PODXL2: variants seen among roughly 807,000 people sequenced by gnomAD.
PODXL2 encodes podocalyxin like 2.
Under a neutral mutation model 53.4 loss-of-function variants are expected in PODXL2, and 17 were observed. The ratio of observed to expected loss-of-function variants is 0.32; its 90% CI spans 0.22 to 0.48. The LOEUF (loss-of-function observed/expected upper bound fraction) is 0.48, where lower values mean the gene tolerates loss of function less well. PODXL2 is among the 20% of genes least tolerant of loss of function. The pLI is 0.99. For missense variants in PODXL2, 673 were observed against 760.0 expected (o/e 0.89, Z 1.35); for synonymous variants, 311 against 306.7 (o/e 1.01, Z -0.15).
intron 2 of PODXL2, among the ~76,000 whole-genome samples, chr3:127,643,970 T>G (rs569661767): frequency 6.6e-6 from 1 of 152,086 alleles, no homozygotes; most frequent in South Asian, 2.1e-4. Context: ...TTTTTACATT[T>G]AAGTCCAATC....
chr3:127,659,749 A>G (rs2107542353), intron 2 of PODXL2, among the ~76,000 whole-genome samples: 1 of 152,370 alleles, frequency 6.6e-6, no homozygotes, highest in South Asian at 2.1e-4. Context: ...CATTGCCAAC[A>G]GTGACCCTGA....
intron 1 of PODXL2, among the ~76,000 whole-genome samples, chr3:127,635,023 G>A (rs1241218135): frequency 1.3e-5 from 2 of 152,178 alleles, no homozygotes; most frequent in African/African-American, 2.4e-5. Flanking sequence ...TTTCTGTATC[G>A]TCTCTGCTGT....
Position 127,672,479 on chromosome 3 carries a change from G to A in PODXL2, c.1817G>A (p.Ter606=). Residue 606 remains the stop codon, a stop_retained_variant, in exon 8 of 8, where the codon TGA becomes TAA. Transcript: ENST00000342480. ...SDVFEEDTHL[*] ...GTGTTCGAGGAGGACACGCACCTGTGAGCGCAGCCGAGGCGCAGGCCGAGT... is the reference window on the plus strand; with the variant it reads ...GTGTTCGAGGAGGACACGCACCTGTAAGCGCAGCCGAGGCGCAGGCCGAGT... 6.7e-7 allele frequency: 1 copy of A among 1,493,130 alleles called. No homozygotes were observed. The highest frequency in any genetic ancestry group is 8.9e-7 in the Non-Finnish European group (1 of 1,122,262). The allele number at this position is 1,493,130 out of a possible 1,614,324, so 92.5% of individuals were successfully genotyped here. A position where few individuals can be genotyped will look rare whatever the true frequency, so the allele number is the denominator to read the frequency against.
chr3:127,648,787 CTTTTTTTT>C (rs988325770), intron 2 of PODXL2, among the ~76,000 whole-genome samples: 1 of 97,854 alleles, frequency 1.0e-5, no homozygotes, highest in Admixed American at 1.1e-4. Flanking sequence ...TTTTGTATTT[CTTTTTTTT>C]TTTTTTTTTT....
intron 2 of PODXL2, among the ~76,000 whole-genome samples, chr3:127,641,463 C>A (rs2074619817): frequency 2.0e-5 from 3 of 152,110 alleles, no homozygotes; most frequent in Non-Finnish European, 4.4e-5. Context: ...CCTCCCTTGG[C>A]CTCCCAAAGT....
intron 3 of PODXL2, 124 bp from the exon 4 acceptor site, chr3:127,662,113 C>T (rs2074771585): frequency 1.4e-6 from 1 of 738,092 alleles, no homozygotes; most frequent in Non-Finnish European, 2.4e-6. Flanking sequence ...AGCCCCCTCG[C>T]TGTAATACGC....
chr3:127,633,472 T>TTGTGTGTGTG (rs60042269), intron 1 of PODXL2, among the ~76,000 whole-genome samples: 1 of 140,906 alleles, frequency 7.1e-6, no homozygotes, highest in South Asian at 2.4e-4. Flanking sequence ...ATTACAAATT[T>TTGTGTGTGTG]TGTGTGTGTG....
At chr3:127,639,210 C>G in intron 1 of PODXL2, 35 bp from the exon 2 acceptor site, 1 of 1,544,196 alleles carries the variant, frequency 6.5e-7, no homozygotes, top group Non-Finnish European at 8.7e-7. Flanking sequence ...TCTTCTCTAG[C>G]CTCCCCTGAC....
chr3:127,660,561 T>C lies in PODXL2; in HGVS notation c.533T>C (p.Val178Ala), dbSNP rs745521860. ...EEEEEREKEEVEKQEEEEEEE... is the reference protein window; with the variant it reads ...EEEEEREKEEAEKQEEEEEEE... ...GAGGAGGAGAGGGAGAAGGAAGAGG[T>C]AGAGAAACAAGAGGAGGAGGAAGAG... The change falls in exon 3 of 8, where the codon GTA becomes GCA. Residue 178 changes from valine to alanine, a missense_variant. Physicochemically the swap from Val to Ala is moderately conservative, Grantham distance 64. Around this residue, in one of 3 missense-constraint regions of PODXL2, gnomAD observed 588 missense variants for 668.3 expected, o/e 0.88. Transcript: ENST00000342480. 1.9e-6 allele frequency: 3 copies of C among 1,613,046 alleles called. No homozygotes were observed. The highest frequency in any genetic ancestry group is 2.5e-6 in the Non-Finnish European group (3 of 1,179,624).
Position 127,633,377 on chromosome 3 carries a change from C to T in PODXL2, c.70+4088C>T, listed in dbSNP as rs531434649. 7.2e-5 allele frequency among the ~76,000 whole-genome samples: 11 copies of T among 152,294 alleles called. No individual in the cohort carries two copies. In the South Asian group the frequency reaches 1.5e-3, roughly 20 times the overall value. On this transcript the variant is annotated intron_variant, in intron 1 of 7. Transcript: ENST00000342480. ...GATGTTTTTGTGGGGGAGAAACCAGCTAATTTCAGCTCCTCTATTAACTAG... is the reference window on the plus strand; with the variant it reads ...GATGTTTTTGTGGGGGAGAAACCAGTTAATTTCAGCTCCTCTATTAACTAG...
At chr3:127,653,124 C>T (rs2074699308) in intron 2 of PODXL2, among the ~76,000 whole-genome samples, 1 of 152,200 alleles carries the variant, frequency 6.6e-6, no homozygotes, top group Admixed American at 6.5e-5. Flanking sequence ...CTTCCTCTCC[C>T]CTCTCAATGC....
intron 2 of PODXL2, among the ~76,000 whole-genome samples, chr3:127,646,387 ATTT>A (rs538645425): frequency 1.4e-5 from 2 of 141,846 alleles, no homozygotes; most frequent in African/African-American, 2.6e-5. Context: ...TTTTCCATAG[ATTT>A]TTTTTTTTTT....
chr3:127,646,219 G>A (rs1379214666), intron 2 of PODXL2, among the ~76,000 whole-genome samples: 2 of 152,124 alleles, frequency 1.3e-5, no homozygotes, highest in Non-Finnish European at 2.9e-5. Context: ...GGCTTAGGGA[G>A]TTTGAATTTA....
chr3:127,669,321 G>A, intron 6 of PODXL2, 119 bp downstream of exon 6: 1 of 691,118 alleles, frequency 1.4e-6, no homozygotes, highest in Admixed American at 3.3e-5. Context: ...GACAGAGCGT[G>A]CTCTGGGCAG....
chr3:127,639,260 C>T lies in PODXL2; in HGVS notation c.86C>T (p.Ala29Val), dbSNP rs1373047254. The change falls in exon 2 of 8, where the codon GCC becomes GTC. Residue 29 changes from alanine (A) to valine (V), a missense_variant. By Grantham distance (64) the Ala-to-Val change is moderately conservative. This residue lies in a region of PODXL2 where 588 missense variants were observed against 668.3 expected (regional missense o/e 0.88). Transcript: ENST00000342480. ...GTCTGCACAGGAGCGTTCCTGGGTG[C>T]CTGTGTGGCTGGGTCTGATGAGCCT... Reference protein sequence around the residue: ...LLLVGGAFLGACVAGSDEPGP... With the variant: ...LLLVGGAFLGVCVAGSDEPGP... 1 of 1,606,070 alleles carries T rather than the reference C, an allele frequency of 6.2e-7. No homozygotes were observed. The highest frequency in any genetic ancestry group is 1.7e-5 in the Admixed American group (1 of 58,526).
At position 127,629,186 on chromosome 3, in the gene PODXL2, C is replaced by A; in HGVS notation, c.-34C>A. 1 of 979,746 alleles carries A rather than the reference C, an allele frequency of 1.0e-6. No individual in the cohort carries two copies. The highest frequency in any genetic ancestry group is 4.6e-5 in the South Asian group (1 of 21,872). The allele number at this position is 979,746 out of a possible 1,614,324, so 60.7% of individuals were successfully genotyped here. On this transcript the variant is annotated 5_prime_UTR_variant, in exon 1 of 8. Coordinates refer to ENST00000342480, the MANE Select transcript of PODXL2 (RefSeq NM_015720.4). The surrounding 1 kb of genome is among the most constrained non-coding windows in gnomAD (Gnocchi z 6.4). ...GCCCCTGACGCGGGCCCGGGCGCCG[C>A]GCCGCTGCGGCTGCAGGCGGCGACG... is the stretch of plus-strand genomic sequence containing the variant.
intron 2 of PODXL2, among the ~76,000 whole-genome samples, chr3:127,653,723 T>A (rs1176145663): frequency 6.6e-6 from 1 of 152,092 alleles, no homozygotes; most frequent in African/African-American, 2.4e-5. Context: ...TTTTAAAAAA[T>A]TTTCAATTTA....
At chr3:127,638,232 A>C (rs1187212220) in intron 1 of PODXL2, among the ~76,000 whole-genome samples, 1 of 152,244 alleles carries the variant, frequency 6.6e-6, no homozygotes, top group African/African-American at 2.4e-5. Flanking sequence ...AAATAGGGCT[A>C]TATTCCTGTC....
At chr3:127,658,358 G>A (rs1364452320) in intron 2 of PODXL2, among the ~76,000 whole-genome samples, 1 of 147,648 alleles carries the variant, frequency 6.8e-6, no homozygotes, top group Non-Finnish European at 1.5e-5. Flanking sequence ...TTTCCATCCT[G>A]AGATATATTT....
Sources: gnomAD v4.1 joint callset for allele counts (sites outside exome capture counted in the v4.1 genomes callset) on GRCh38, gnomAD v4.1.1 for gene constraint, gnomAD v4.1.1 regional missense constraint, Gnocchi (gnomAD v3.1) non-coding constraint, MANE v1.5 for transcripts, NCBI Gene and HGNC (gene_info 2026-07-23, HGNC 2026-07-21) for gene names.